The following CELF6 variants were observed in gnomAD, a reference collection of about 807,000 sequenced individuals.
CELF6 encodes Bruno -like 6, RNA binding protein.
CELF6 carries 32 observed loss-of-function variants against 53.1 expected under a neutral mutation model. That is an observed-to-expected ratio of 0.60 (90% CI 0.46 to 0.81). The LOEUF is 0.81. Among genes scored for constraint, CELF6 ranks in the 30% least tolerant of loss-of-function variants. The pLI, the probability that CELF6 is intolerant of heterozygous loss-of-function variation, is 0.00. For synonymous variants in CELF6, 291 were observed against 288.8 expected, an observed-to-expected ratio of 1.01 and a Z score of -0.08; for missense variants, 539 against 669.5, an observed-to-expected ratio of 0.81 and a Z score of 2.15.
chr15:72,319,698 C>T lies in CELF6; in HGVS notation c.177G>A (p.Glu59=), dbSNP rs1815250098. 2 of 1,593,432 alleles carry T rather than the reference C, an allele frequency of 1.3e-6. No individual in the cohort carries two copies. Among genetic ancestry groups the T allele is most frequent in the Non-Finnish European group, 1.7e-6 (2 of 1,170,102 alleles). ...CCTCGAACAGCGGCTTGAGGTCCTG[C>T]TCGTCCAAGCCCCGCGGGATCTGCC... The part of the protein sequence containing the change: ...FVGQIPRGLD[E]QDLKPLFEEF... Residue 59 remains glutamate (E), a synonymous_variant, in exon 1 of 13, where the codon GAG becomes GAA. Coordinates refer to ENST00000287202, the MANE Select transcript of CELF6 (RefSeq NM_052840.5). This position sits in a 1 kb window ranked among gnomAD's most constrained non-coding sequence, Gnocchi z 5.0.
chr15:72,309,183 G>T (rs1420437347), intron 2 of CELF6, among the ~76,000 whole-genome samples: 1 of 152,194 alleles, frequency 6.6e-6, no homozygotes, highest in Non-Finnish European at 1.5e-5. Flanking sequence ...AAAGTGCTGG[G>T]ATTACAGGTG....
Position 72,319,865 on chromosome 15 carries a change from C to A in CELF6, c.10G>T (p.Ala4Ser). 1 of 1,502,974 alleles carries A rather than the reference C, an allele frequency of 6.7e-7. No individual in the cohort carries two copies. Among genetic ancestry groups the A allele is most frequent in the South Asian group, 1.3e-5 (1 of 77,444 alleles). 93.1% of individuals were successfully genotyped at this position (1,502,974 alleles called of 1,614,324 possible). A position where few individuals can be genotyped will look rare whatever the true frequency, so the allele number is the denominator to read the frequency against. The change falls in exon 1 of 13, where the codon GCG becomes TCG. Residue 4 changes from alanine (A) to serine (S), a missense_variant. Physicochemically the swap from Ala to Ser is moderately conservative, Grantham distance 99 (BLOSUM62 1). Around this residue, in one of 3 missense-constraint regions of CELF6, gnomAD observed 84 missense variants for 87.9 expected, o/e 0.96. Transcript: ENST00000287202. The surrounding 1 kb of genome is among the most constrained non-coding windows in gnomAD (Gnocchi z 5.0). The stretch of plus-strand genomic sequence containing the variant: ...GCGGGCTGCGCTGACCCTCCCGGCG[C>A]CGCGGCCATGTCCCCGCCCTGTCAG... MAA[A>S]PGGSAQPAGP...
intron 2 of CELF6, chr15:72,313,781 G>C: frequency 4.1e-6 from 4 of 972,824 alleles, no homozygotes; most frequent in Non-Finnish European, 4.9e-6. Context: ...TTAGATGAAT[G>C]ATGAGTTCTA....
At chr15:72,298,234 A>G (rs2088104109) in intron 3 of CELF6, among the ~76,000 whole-genome samples, 1 of 152,232 alleles carries the variant, frequency 6.6e-6, no homozygotes, top group African/African-American at 2.4e-5. Flanking sequence ...AGAACTTGGA[A>G]AAGATGGCTC....
chr15:72,308,606 C>A (rs1195383181), intron 2 of CELF6, among the ~76,000 whole-genome samples: 3 of 152,300 alleles, frequency 2.0e-5, no homozygotes, highest in East Asian at 3.9e-4. Flanking sequence ...GCTGTGAAAA[C>A]CGCATCAAGG....
In CELF6 at chr15:72,287,400, G is replaced by T. The variant is rs746332755; in HGVS notation, c.1319-8C>A. 8.1e-6 allele frequency: 13 copies of T among 1,613,760 alleles called. No individual in the cohort carries two copies. In the Admixed American group the frequency reaches 1.2e-4, roughly 14 times the overall value. On this transcript the variant is annotated splice_polypyrimidine_tract_variant and splice_region_variant and intron_variant, in intron 11 of 12. Transcript: ENST00000287202. The stretch of plus-strand genomic sequence containing the variant: ...TGTCAAAACTAACAAACCCTGGAGG[G>T]TGTGGGCAAAGAGATTAGCTGGGGA...
rs1370226126 is a variant in CELF6 at position 72,289,753 on chromosome 15, G to A, written c.621C>T (p.Leu207=). ...SRTMAGASSS[L]VVKLADTDRE... The stretch of plus-strand genomic sequence containing the variant: ...GGTCGGTGTCCGCCAGCTTGACCAC[G>A]AGGCTGGACGAGGCGCCCTGGGCAG... The change falls in exon 6 of 13, where the codon CTC becomes CTT. Residue 207 remains leucine (L), a synonymous_variant. Transcript: ENST00000287202. The surrounding 1 kb of genome is among the most constrained non-coding windows in gnomAD (Gnocchi z 7.6). 1.3e-5 allele frequency: 19 copies of A among 1,454,662 alleles called. No homozygotes were observed. The highest frequency in any genetic ancestry group is 1.7e-5 in the Non-Finnish European group (19 of 1,110,342). 90.1% of individuals were successfully genotyped at this position (1,454,662 alleles called of 1,614,324 possible).
intron 3 of CELF6, among the ~76,000 whole-genome samples, chr15:72,301,929 G>T (rs559373462): frequency 1.2e-4 from 18 of 152,062 alleles, no homozygotes; most frequent in Admixed American, 4.6e-4. Context: ...TAGAGATGGG[G>T]TTTCACCGTG....
At chr15:72,300,324 G>T (rs1480063497) in intron 3 of CELF6, among the ~76,000 whole-genome samples, 2 of 149,996 alleles carry the variant, frequency 1.3e-5, no homozygotes, top group African/African-American at 2.5e-5. Flanking sequence ...TGGTGCCACT[G>T]CATTCTAGCC....
chr15:72,287,101 C>T (rs1466919103), intron 12 of CELF6, 136 bp downstream of exon 12: 25 of 733,894 alleles, frequency 3.4e-5, no homozygotes, highest in Non-Finnish European at 4.6e-5. Context: ...GAGGTTTCCT[C>T]CTAGCTCCTG....
At position 72,289,827 on chromosome 15, in the gene CELF6, G is replaced by A. The variant is rs995883266; in HGVS notation, c.604-57C>T. The stretch of plus-strand genomic sequence containing the variant: ...GTCCTGACCCTGGCCCCGGCCCGGG[G>A]CCGAGCGCCTTTCCCATCAGGTCCT... On this transcript the variant is annotated intron_variant, in intron 5 of 12. Coordinates refer to ENST00000287202, the MANE Select transcript of CELF6 (RefSeq NM_052840.5). The surrounding 1 kb of genome is among the most constrained non-coding windows in gnomAD (Gnocchi z 7.6). 3.4e-6 allele frequency: 5 copies of A among 1,473,678 alleles called. No homozygotes were observed. Among genetic ancestry groups the A allele is most frequent in the Non-Finnish European group, 4.5e-6 (5 of 1,115,184 alleles). 91.3% of individuals were successfully genotyped at this position (1,473,678 alleles called of 1,614,324 possible). A position where few individuals can be genotyped will look rare whatever the true frequency, so the allele number is the denominator to read the frequency against.
chr15:72,307,551 A>T (rs1202407082), intron 2 of CELF6, among the ~76,000 whole-genome samples: 1 of 152,214 alleles, frequency 6.6e-6, no homozygotes, highest in Non-Finnish European at 1.5e-5. Context: ...TCAAGGGAAT[A>T]CAAGTGTCCC....
chr15:72,312,489 C>T (rs1011062870), intron 2 of CELF6, among the ~76,000 whole-genome samples: 21 of 151,958 alleles, frequency 1.4e-4, no homozygotes, highest in Non-Finnish European at 2.5e-4. Context: ...ATTAGCTTGG[C>T]GCGGTGATGG....
At chr15:72,301,898 G>A (rs752262061) in intron 3 of CELF6, among the ~76,000 whole-genome samples, 53 of 152,040 alleles carry the variant, frequency 3.5e-4, no homozygotes, top group Non-Finnish European at 1.0e-4. Context: ...CACCACACCT[G>A]GCTAATTATT....
At chr15:72,292,111 G>GAAAAGGA in intron 3 of CELF6, 1 of 873,654 alleles carries the variant, frequency 1.1e-6, no homozygotes, top group Non-Finnish European at 1.7e-6. Flanking sequence ...ACTGAAGCCA[G>GAAAAGGA]AAAAGGAGGG....
chr15:72,293,725 G>T lies in CELF6; in HGVS notation c.395-3470C>A, dbSNP rs557319652. ...TTTTTTTTTTTTGACACTGAGTCTT[G>T]CTCTGTCACCCAAGCTGGAGAGCAA... On this transcript the variant is annotated intron_variant, in intron 3 of 12. Coordinates refer to ENST00000287202, the MANE Select transcript of CELF6 (RefSeq NM_052840.5). Among the ~76,000 whole-genome samples the T allele has an allele frequency of 5.0e-5, 7 of 139,342 alleles. No individual in the cohort carries two copies. The South Asian group carries it at 1.1e-3, about 22-fold the overall frequency. 91.4% of individuals were successfully genotyped at this position (139,342 alleles called of 152,430 possible). A position where few individuals can be genotyped will look rare whatever the true frequency, so the allele number is the denominator to read the frequency against.
At chr15:72,287,939 G>T (rs1432280038) in intron 11 of CELF6, among the ~76,000 whole-genome samples, 6 of 151,634 alleles carry the variant, frequency 4.0e-5, no homozygotes, top group African/African-American at 1.5e-4. Flanking sequence ...TCGGATTCAA[G>T]AAATTCTCCT....
intron 3 of CELF6, among the ~76,000 whole-genome samples, chr15:72,295,232 G>C (rs1454268157): frequency 6.6e-6 from 1 of 151,770 alleles, no homozygotes; most frequent in Non-Finnish European, 1.5e-5. Context: ...CTACTTGGGG[G>C]GCTGAGGCAG....
chr15:72,292,114 A>C (rs1015613044), intron 3 of CELF6: 1 of 887,320 alleles, frequency 1.1e-6, no homozygotes, highest in African/African-American at 1.7e-5. Flanking sequence ...GAAGCCAGAA[A>C]AGGAGGGGTG....
Sources: gnomAD v4.1 joint callset for allele counts (sites outside exome capture counted in the v4.1 genomes callset) on GRCh38, gnomAD v4.1.1 for gene constraint, gnomAD v4.1.1 regional missense constraint, Gnocchi (gnomAD v3.1) non-coding constraint, MANE v1.5 for transcripts, NCBI Gene and HGNC (gene_info 2026-07-23, HGNC 2026-07-21) for gene names.